Variants in SIK3 observed in about 807,000 individuals in gnomAD.
SIK3 encodes serine/threonine-protein kinase SIK3.
Under a neutral mutation model 144.2 loss-of-function variants are expected in SIK3, and 28 were observed. The ratio of observed to expected loss-of-function variants is 0.19; its 90% confidence interval spans 0.14 to 0.27. SIK3 has a LOEUF of 0.27. Ranked by LOEUF, SIK3 falls within the 10% of genes least tolerant of loss-of-function variation. SIK3 has a pLI of 1.00. For missense variants in SIK3, 1,319 were observed against 1,776.0 expected (o/e 0.74, Z 4.62); for synonymous variants, 686 against 676.3 (o/e 1.01, Z -0.22).
intron 1 of SIK3, among the ~76,000 whole-genome samples, chr11:117,070,145 GCAATGGTAACCT>G (rs1327286354): frequency 6.6e-6 from 1 of 152,184 alleles, no homozygotes; most frequent in Non-Finnish European, 1.5e-5. Context: ...GAGAAGCTAT[GCAATGGTAACCT>G]CAAATACAAC....
At chr11:116,943,103 T>C (rs756527501) in intron 3 of SIK3, among the ~76,000 whole-genome samples, 2 of 151,226 alleles carry the variant, frequency 1.3e-5, no homozygotes, top group Non-Finnish European at 2.9e-5. Context: ...ATGGATTCAA[T>C]CAAGCCCCTT....
chr11:116,857,281 A>T (rs1432463608), intron 21 of SIK3: 1 of 156,186 alleles, frequency 6.4e-6, no homozygotes, highest in Admixed American at 6.2e-5. Context: ...AGAAACAAAC[A>T]CATATATACA....
chr11:117,017,436 C>G (rs1172153941), intron 1 of SIK3, among the ~76,000 whole-genome samples: 6 of 151,868 alleles, frequency 4.0e-5, no homozygotes, highest in African/African-American at 1.5e-4. Flanking sequence ...TTATTATACA[C>G]TTTTCAGTAT....
chr11:117,034,091 G>A (rs1250906608), intron 1 of SIK3, among the ~76,000 whole-genome samples: 1 of 151,914 alleles, frequency 6.6e-6, no homozygotes, highest in African/African-American at 2.4e-5. Flanking sequence ...CAAAAAGAAA[G>A]CCTAAGATTA....
intron 6 of SIK3, among the ~76,000 whole-genome samples, chr11:116,880,065 A>G (rs149052231): frequency 5.8e-4 from 88 of 152,304 alleles, no homozygotes; most frequent in African/African-American, 2.1e-3. Context: ...AGTGCATAAG[A>G]TGACCAAAGC....
chr11:116,910,572 C>T (rs542138309), intron 4 of SIK3, among the ~76,000 whole-genome samples: 45 of 152,260 alleles, frequency 3.0e-4, no homozygotes, highest in African/African-American at 9.6e-4. Context: ...GAGCTCATAT[C>T]GCTCTAAGGA....
chr11:117,079,884 A>G (rs1325294950), intron 1 of SIK3, among the ~76,000 whole-genome samples: 1 of 152,124 alleles, frequency 6.6e-6, no homozygotes, highest in Non-Finnish European at 1.5e-5. Flanking sequence ...AAAAGCTATT[A>G]CAGGCCAGGC....
At chr11:116,976,594 A>G (rs538502462) in intron 1 of SIK3, among the ~76,000 whole-genome samples, 16 of 152,294 alleles carry the variant, frequency 1.1e-4, no homozygotes, top group African/African-American at 3.6e-4. Flanking sequence ...GTCTGCTAGG[A>G]CCACATTATC....
At chr11:117,056,652 A>C (rs575881436) in intron 1 of SIK3, among the ~76,000 whole-genome samples, 34 of 151,536 alleles carry the variant, frequency 2.2e-4, no homozygotes, top group African/African-American at 7.1e-4. Flanking sequence ...AGGTGAACAC[A>C]CAGAGCTTCT....
chr11:116,872,509 T>C (rs927993324), intron 13 of SIK3, among the ~76,000 whole-genome samples: 1 of 152,252 alleles, frequency 6.6e-6, no homozygotes, highest in Non-Finnish European at 1.5e-5. Flanking sequence ...CTTTCATTAC[T>C]GAAAGTGTGG....
chr11:116,872,270 G>C (rs1944008854), intron 13 of SIK3, among the ~76,000 whole-genome samples: 2 of 152,220 alleles, frequency 1.3e-5, no homozygotes, highest in African/African-American at 4.8e-5. Context: ...ACAAGAACTT[G>C]TTAGCGACCT....
intron 1 of SIK3, among the ~76,000 whole-genome samples, chr11:116,984,050 C>CAAAAAAA (rs35403684): frequency 1.9e-4 from 15 of 80,866 alleles, no homozygotes; most frequent in East Asian, 7.5e-4. Flanking sequence ...GACCCTGACT[C>CAAAAAAA]AAAAAAAAAA....
intron 1 of SIK3, among the ~76,000 whole-genome samples, chr11:117,046,421 G>A (rs1045123174): frequency 5.9e-5 from 9 of 152,016 alleles, no homozygotes; most frequent in Admixed American, 4.6e-4. Flanking sequence ...AAATTTAATG[G>A]GGGGAAAAAG....
In SIK3 at chr11:116,868,050, C is replaced by A. The variant is rs1440846277; in HGVS notation, c.1848G>T (p.Met616Ile). 6.4e-7 allele frequency: 1 copy of A among 1,550,612 alleles called. No homozygotes were observed. Among genetic ancestry groups the A allele is most frequent in the Non-Finnish European group, 8.7e-7 (1 of 1,147,006 alleles). The change falls in exon 15 of 25, where the codon ATG becomes ATT. Residue 616 changes from methionine (M) to isoleucine (I), a missense_variant. Coordinates refer to ENST00000445177, the MANE Select transcript of SIK3 (RefSeq NM_001366686.3). ...ANRSKRHTLAMTNPTAEIPPD... is the reference protein window; with the variant it reads ...ANRSKRHTLAITNPTAEIPPD... ...GTGGGATCTCAGCTGTAGGGTTGGT[C>A]ATGGCCAGTGTATGTCTTTTGGACC...
chr11:116,968,934 G>A lies in SIK3; in HGVS notation c.274-11870C>T, dbSNP rs192657984. 9.7e-4 allele frequency among the ~76,000 whole-genome samples: 148 copies of A among 152,142 alleles called. 1 individual carries two copies. In the South Asian group the frequency reaches 0.011, roughly 12 times the overall value. On this transcript the variant is annotated intron_variant, in intron 1 of 24. Transcript: ENST00000445177. ...ATACTACTTTTAAGCCAATTAACAT[G>A]ACCCCTAATTCATTGCCAATGAGAT...
chr11:116,995,281 AAAGAC>A (rs1950625964), intron 1 of SIK3, among the ~76,000 whole-genome samples: 1 of 150,816 alleles, frequency 6.6e-6, no homozygotes, highest in African/African-American at 2.4e-5. Context: ...AAAAAAAAAA[AAAGAC>A]AGGGTCTCAC....
chr11:116,979,159 C>A (rs758478477), intron 1 of SIK3, among the ~76,000 whole-genome samples: 3 of 152,156 alleles, frequency 2.0e-5, no homozygotes, highest in Non-Finnish European at 4.4e-5. Context: ...ACAACTGTAA[C>A]TATATTTTTA....
rs1555076580 is a variant in SIK3 at position 116,873,652 on chromosome 11, T to C, written c.1582-16A>G. 1 of 1,529,604 alleles carries C rather than the reference T, an allele frequency of 6.5e-7. No individual in the cohort carries two copies. The highest frequency in any genetic ancestry group is 1.3e-5 in the South Asian group (1 of 76,240). 94.8% of individuals were successfully genotyped at this position (1,529,604 alleles called of 1,614,324 possible). A position where few individuals can be genotyped will look rare whatever the true frequency, so the allele number is the denominator to read the frequency against. On this transcript the variant is annotated splice_polypyrimidine_tract_variant and intron_variant, in intron 12 of 24. Coordinates refer to ENST00000445177, the MANE Select transcript of SIK3 (RefSeq NM_001366686.3). Reference sequence around the variant, plus strand: ...GAGACTGCTCCTGCCAGGAACAGAGTGGGGAGGACGGACCATGAGATGAGG... The same window carrying C: ...GAGACTGCTCCTGCCAGGAACAGAGCGGGGAGGACGGACCATGAGATGAGG...
intron 1 of SIK3, among the ~76,000 whole-genome samples, chr11:117,002,771 G>A (rs1010567099): frequency 6.6e-6 from 1 of 152,210 alleles, no homozygotes; most frequent in African/African-American, 2.4e-5. Context: ...GTAGGAGGAA[G>A]GCTTGTCATC....
Sources: allele counts gnomAD v4.1 joint callset (sites outside exome capture counted in the v4.1 genomes callset), GRCh38; gene constraint gnomAD v4.1.1; transcripts MANE v1.5; gene names NCBI Gene and HGNC (gene_info 2026-07-23, HGNC 2026-07-21).